Variants in RBFOX1 observed in about 807,000 individuals in gnomAD.
RBFOX1 encodes the protein RNA binding fox-1 homolog 1, also known as RNA binding protein fox-1 homolog 1.
RBFOX1 carries 8 observed loss-of-function variants against 57.7 expected under a neutral mutation model. The observed-to-expected ratio is 0.14, with a 90% CI of 0.08 to 0.25. The LOEUF (loss-of-function observed/expected upper bound fraction) is 0.25, where lower values mean the gene tolerates loss of function less well. Ranked by LOEUF, RBFOX1 falls within the 10% of genes least tolerant of loss-of-function variation. The probability of loss-of-function intolerance (pLI) is 1.00; values close to 1 mark genes in which losing one functional copy is unlikely to be tolerated. For missense variants in RBFOX1, 611 were observed against 548.5 expected (o/e 1.11, Z -1.14); for synonymous variants, 326 against 222.4 (o/e 1.47, Z -4.15).
chr16:6,078,482 C>A (rs186236356), intron 1 of RBFOX1, among the ~76,000 whole-genome samples: 1 of 152,074 alleles, frequency 6.6e-6, no homozygotes, highest in East Asian at 1.9e-4. Context: ...ACTTCTTCTT[C>A]CGCCGTGGCT....
intron 3 of RBFOX1, among the ~76,000 whole-genome samples, chr16:6,801,830 G>A (rs2085537840): frequency 6.6e-6 from 1 of 152,104 alleles, no homozygotes; most frequent in South Asian, 2.1e-4. Context: ...CTTCTAAGTT[G>A]TATGTCTACA....
intron 5 of RBFOX1, among the ~76,000 whole-genome samples, chr16:7,534,909 C>T (rs184064176): frequency 8.5e-5 from 13 of 152,158 alleles, no homozygotes; most frequent in African/African-American, 1.4e-4. Flanking sequence ...GAATGTCAAG[C>T]GCTGCAGGCT....
chr16:7,022,888 T>C (rs1235542290), intron 3 of RBFOX1, among the ~76,000 whole-genome samples: 2 of 152,218 alleles, frequency 1.3e-5, no homozygotes, highest in Non-Finnish European at 2.9e-5. Context: ...GCTAGAATGC[T>C]GCAGAACTAG....
chr16:7,495,141 CATG>C (rs1404879798), intron 4 of RBFOX1, among the ~76,000 whole-genome samples: 2 of 152,166 alleles, frequency 1.3e-5, no homozygotes, highest in African/African-American at 4.8e-5. Context: ...GCTGCAAAGA[CATG>C]ATTTCATTCT....
intron 4 of RBFOX1, among the ~76,000 whole-genome samples, chr16:7,240,568 G>A (rs2094004181): frequency 6.6e-6 from 1 of 151,878 alleles, no homozygotes; most frequent in Non-Finnish European, 1.5e-5. Context: ...TTGTTTGTTT[G>A]TTTTGAGACA....
intron 2 of RBFOX1, among the ~76,000 whole-genome samples, chr16:5,473,835 T>C (rs1367312793): frequency 7.5e-6 from 1 of 133,356 alleles, no homozygotes; most frequent in East Asian, 2.2e-4. Flanking sequence ...GATGTAAGGG[T>C]GGGTGGATAG....
At chr16:6,839,066 C>G (rs1400872536) in intron 3 of RBFOX1, among the ~76,000 whole-genome samples, 1 of 151,838 alleles carries the variant, frequency 6.6e-6, no homozygotes, top group Admixed American at 6.6e-5. Context: ...CTCCCTGTAA[C>G]CTCTGCCTCC....
At position 7,480,778 on chromosome 16, in the gene RBFOX1, G is replaced by A. The variant is rs545998391; in HGVS notation, c.28-37369G>A. On this transcript the variant is annotated intron_variant, in intron 4 of 15. Coordinates refer to ENST00000550418, the MANE Select transcript of RBFOX1 (RefSeq NM_018723.4). ...TGTGGGAAGCCATTTGTGAGAAGTC[G>A]TAATTAATGATCTGCTGGGCCTTGG... Among the ~76,000 whole-genome samples, 13 of 152,268 alleles carry A rather than the reference G, an allele frequency of 8.5e-5. No homozygotes were observed. In the East Asian group the frequency reaches 1.8e-3, roughly 21 times the overall value.
chr16:6,847,862 G>T (rs770640188), intron 3 of RBFOX1, among the ~76,000 whole-genome samples: 1 of 151,814 alleles, frequency 6.6e-6, no homozygotes, highest in African/African-American at 2.4e-5. Flanking sequence ...TGTTGAAATG[G>T]AGTCTTGGTC....
At chr16:7,201,989 G>A (rs2088646738) in intron 4 of RBFOX1, among the ~76,000 whole-genome samples, 1 of 152,202 alleles carries the variant, frequency 6.6e-6, no homozygotes, top group African/African-American at 2.4e-5. Context: ...TAAGTAGCAT[G>A]TGTTAGGAGG....
chr16:5,992,927 A>G (rs1596361020), intron 4 of RBFOX1, among the ~76,000 whole-genome samples: 1 of 151,956 alleles, frequency 6.6e-6, no homozygotes, highest in Non-Finnish European at 1.5e-5. Flanking sequence ...TCAGAGTAAG[A>G]CTCTGTCTCA....
At chr16:7,378,927 A>T (rs771737164) in intron 4 of RBFOX1, among the ~76,000 whole-genome samples, 1 of 152,220 alleles carries the variant, frequency 6.6e-6, no homozygotes, top group Non-Finnish European at 1.5e-5. Context: ...CAGAAGACAC[A>T]ACAGGAGAGC....
At chr16:7,333,212 G>C (rs2096724509) in intron 4 of RBFOX1, 4 of 819,370 alleles carry the variant, frequency 4.9e-6, no homozygotes, top group Middle Eastern at 3.3e-4. Context: ...TAGTCAGTGA[G>C]AAGACAGTAG....
At chr16:5,266,468 G>A (rs2062860677) in intron 1 of RBFOX1, among the ~76,000 whole-genome samples, 1 of 152,134 alleles carries the variant, frequency 6.6e-6, no homozygotes, top group Admixed American at 6.5e-5. Flanking sequence ...AGTAGAGATG[G>A]AAGAGACCCC....
intron 4 of RBFOX1, among the ~76,000 whole-genome samples, chr16:5,923,774 C>G (rs1411645177): frequency 6.6e-6 from 1 of 152,006 alleles, no homozygotes; most frequent in Non-Finnish European, 1.5e-5. Context: ...CTCCTGACCT[C>G]AAGTGATGTG....
At chr16:6,055,595 A>G (rs1394666810) in intron 1 of RBFOX1, among the ~76,000 whole-genome samples, 6 of 149,646 alleles carry the variant, frequency 4.0e-5, no homozygotes, top group African/African-American at 1.2e-4. Flanking sequence ...TCCGTCAAAA[A>G]AAAAAAAAAA....
chr16:6,224,999 A>G (rs2097405249), intron 1 of RBFOX1, among the ~76,000 whole-genome samples: 1 of 126,196 alleles, frequency 7.9e-6, no homozygotes, highest in African/African-American at 3.0e-5. Context: ...AGCCTGGGCA[A>G]CAAGAGCAAA....
chr16:6,095,870 T>G (rs778003484), intron 1 of RBFOX1, among the ~76,000 whole-genome samples: 4 of 151,864 alleles, frequency 2.6e-5, no homozygotes, highest in Non-Finnish European at 4.4e-5. Context: ...AGTGAGAGAG[T>G]TGCCTTGTCT....
intron 2 of RBFOX1, chr16:5,467,326 TGCGTCACA>T: frequency 7.1e-7 from 1 of 1,404,692 alleles, no homozygotes. Flanking sequence ...AGAAAAATCT[TGCGTCACA>T]GCCCTGCAAC....
Sources: allele counts gnomAD v4.1 joint callset (sites outside exome capture counted in the v4.1 genomes callset), GRCh38; gene constraint gnomAD v4.1.1; transcripts MANE v1.5; gene names NCBI Gene and HGNC (gene_info 2026-07-23, HGNC 2026-07-21).